The following CREB5 variants were observed in gnomAD, a reference collection of about 807,000 sequenced individuals.
The protein encoded by CREB5 is cAMP responsive element binding protein 5, also known as cyclic AMP-responsive element-binding protein 5.
Under a neutral mutation model 57.1 loss-of-function variants are expected in CREB5, and 19 were observed. The observed-to-expected ratio is 0.33, with a 90% CI of 0.23 to 0.49. The LOEUF is 0.49. Ranked by LOEUF, CREB5 falls within the 20% of genes least tolerant of loss-of-function variation. The pLI is 0.99. For synonymous variants in CREB5, 238 were observed against 238.3 expected, an observed-to-expected ratio of 1.00 and a Z score of 0.01; for missense variants, 579 against 671.6, an observed-to-expected ratio of 0.86 and a Z score of 1.52.
chr7:28,580,865 T>C (rs963773396), intron 5 of CREB5, among the ~76,000 whole-genome samples: 3 of 152,126 alleles, frequency 2.0e-5, no homozygotes, highest in African/African-American at 7.2e-5. Context: ...GTTCATTTCA[T>C]TGGGTTTCAT....
At chr7:28,394,537 C>T (rs35801983) in intron 1 of CREB5, among the ~76,000 whole-genome samples, 9,660 of 152,210 alleles carry the variant, frequency 0.063, 363 homozygotes, top group South Asian at 0.14. Flanking sequence ...AATCTGGAGT[C>T]GCTGTATTAA....
At chr7:28,743,187 A>G (rs1804476039) in intron 7 of CREB5, among the ~76,000 whole-genome samples, 1 of 152,178 alleles carries the variant, frequency 6.6e-6, no homozygotes, top group South Asian at 2.1e-4. Context: ...TTTTTTGCCA[A>G]AACATGGCAG....
chr7:28,410,887 G>A, upstream of CREB5: 1 of 270,068 alleles, frequency 3.7e-6, no homozygotes, highest in South Asian at 3.9e-5. Context: ...GCAATCGCCG[G>A]CTCCCTGGGC....
chr7:28,752,072 G>C (rs1352345878), intron 7 of CREB5, among the ~76,000 whole-genome samples: 1 of 152,208 alleles, frequency 6.6e-6, no homozygotes, highest in African/African-American at 2.4e-5. Flanking sequence ...GGTATATGAT[G>C]ATAAATCTTA....
intron 1 of CREB5, among the ~76,000 whole-genome samples, chr7:28,405,473 G>A (rs761346390): frequency 4.6e-5 from 7 of 152,226 alleles, no homozygotes; most frequent in East Asian, 3.9e-4. Flanking sequence ...GTGCTGTGGC[G>A]CAGTCACTGC....
At chr7:28,563,237 C>T (rs1410915483) in intron 4 of CREB5, among the ~76,000 whole-genome samples, 3 of 152,154 alleles carry the variant, frequency 2.0e-5, no homozygotes, top group Non-Finnish European at 4.4e-5. Context: ...GCCTCATGTT[C>T]TGGACTTTAC....
chr7:28,758,803 A>G (rs984300591), intron 7 of CREB5, among the ~76,000 whole-genome samples: 8 of 152,208 alleles, frequency 5.3e-5, no homozygotes, highest in African/African-American at 1.9e-4. Flanking sequence ...GTCCTCTAGG[A>G]GAAATTGTCA....
chr7:28,370,824 C>A (rs1462449280), intron 1 of CREB5, among the ~76,000 whole-genome samples: 2 of 152,106 alleles, frequency 1.3e-5, no homozygotes, highest in Non-Finnish European at 2.9e-5. Context: ...TCAAAGATTG[C>A]ACTTTGGCAC....
At chr7:28,648,216 T>C (rs1798964328) in intron 5 of CREB5, among the ~76,000 whole-genome samples, 1 of 152,140 alleles carries the variant, frequency 6.6e-6, no homozygotes, top group Non-Finnish European at 1.5e-5. Context: ...AAATGATAAC[T>C]GGATCATAAA....
intron 5 of CREB5, among the ~76,000 whole-genome samples, chr7:28,686,538 A>T (rs943626287): frequency 6.6e-6 from 1 of 152,072 alleles, no homozygotes; most frequent in Non-Finnish European, 1.5e-5. Context: ...CCACAAATAA[A>T]GAGCGAAGCG....
intron 6 of CREB5, among the ~76,000 whole-genome samples, chr7:28,722,670 T>A (rs1378182276): frequency 6.6e-6 from 1 of 152,210 alleles, no homozygotes; most frequent in Non-Finnish European, 1.5e-5. Flanking sequence ...TTTTACTGAA[T>A]TGGCAAGGCC....
chr7:28,560,901 C>CACGTGCGTGCGTGCGT lies in CREB5; in HGVS notation c.292-9464_292-9463insACGTGCGTGCGTGCGT, dbSNP rs1562797666. ...GTGCGTGCGTGCGTGTGTGTGCGTG[C>CACGTGCGTGCGTGCGT]GCGCGTGCGTGTGCGTGTGTGCGCG... On this transcript the variant is annotated intron_variant, in intron 4 of 10. Transcript: ENST00000357727. 1.8e-4 allele frequency among the ~76,000 whole-genome samples: 4 copies of CACGTGCGTGCGTGCGT among 21,650 alleles called. 1 individual carries two copies. Among genetic ancestry groups the CACGTGCGTGCGTGCGT allele is most frequent in the African/African-American group, 5.5e-4 (4 of 7,228 alleles). The allele number at this position is 21,650 out of a possible 152,430, so 14.2% of individuals were successfully genotyped here.
At chr7:28,731,382 T>A (rs1803618283) in intron 7 of CREB5, among the ~76,000 whole-genome samples, 1 of 152,226 alleles carries the variant, frequency 6.6e-6, no homozygotes, top group Non-Finnish European at 1.5e-5. Flanking sequence ...TTCCATGACC[T>A]GATCAGAACT....
intron 7 of CREB5, among the ~76,000 whole-genome samples, chr7:28,737,253 A>G (rs1583641880): frequency 6.6e-6 from 1 of 152,176 alleles, no homozygotes; most frequent in East Asian, 1.9e-4. Context: ...CAGGAAAACC[A>G]CAGCTCTCAG....
At chr7:28,540,996 C>T (rs921191110) in intron 4 of CREB5, among the ~76,000 whole-genome samples, 2 of 152,332 alleles carry the variant, frequency 1.3e-5, no homozygotes, top group South Asian at 2.1e-4. Flanking sequence ...CAGTCCTGTC[C>T]TGTGCTTACC....
chr7:28,450,227 T>C (rs369935376), intron 1 of CREB5, among the ~76,000 whole-genome samples: 1 of 152,244 alleles, frequency 6.6e-6, no homozygotes, highest in Non-Finnish European at 1.5e-5. Context: ...ATGATTCTGA[T>C]GCTTTGTGTT....
At chr7:28,671,780 C>T (rs1800050647) in intron 5 of CREB5, among the ~76,000 whole-genome samples, 1 of 152,186 alleles carries the variant, frequency 6.6e-6, no homozygotes, top group Non-Finnish European at 1.5e-5. Flanking sequence ...GGGCAAGTTA[C>T]TTCACCTGTC....
At chr7:28,781,310 A>C (rs1343607866) in intron 7 of CREB5, among the ~76,000 whole-genome samples, 1 of 152,226 alleles carries the variant, frequency 6.6e-6, no homozygotes, top group Non-Finnish European at 1.5e-5. Flanking sequence ...ATTTACTTGG[A>C]AATTATAAGT....
intron 1 of CREB5, among the ~76,000 whole-genome samples, chr7:28,357,457 G>A (rs984399927): frequency 1.3e-4 from 20 of 152,132 alleles, no homozygotes; most frequent in African/African-American, 4.8e-4. Context: ...GTGTTTGTAT[G>A]ATTTATTTAG....
Sources: gnomAD v4.1 joint callset for allele counts (sites outside exome capture counted in the v4.1 genomes callset) on GRCh38, gnomAD v4.1.1 for gene constraint, MANE v1.5 for transcripts, NCBI Gene and HGNC (gene_info 2026-07-23, HGNC 2026-07-21) for gene names.